The following JAKMIP2 variants were observed in gnomAD, a reference collection of about 807,000 sequenced individuals.
JAKMIP2 encodes janus kinase and microtubule-interacting protein 2.
JAKMIP2 carries 25 observed loss-of-function variants against 115.0 expected under a neutral mutation model. The observed-to-expected ratio is 0.22, with a 90% CI of 0.16 to 0.30. The LOEUF (loss-of-function observed/expected upper bound fraction) is 0.30. Ranked by LOEUF, JAKMIP2 falls within the 10% of genes least tolerant of loss-of-function variation. JAKMIP2 has a pLI of 1.00. For synonymous variants in JAKMIP2, 334 were observed against 343.6 expected, an observed-to-expected ratio of 0.97 and a Z score of 0.31; for missense variants, 642 against 957.6, an observed-to-expected ratio of 0.67 and a Z score of 4.35.
chr5:147,782,664 G>GCA lies in JAKMIP2; in HGVS notation c.-358_-357insTG, dbSNP rs1554087549. On this transcript the variant is annotated 5_prime_UTR_variant, in exon 1 of 22. It introduces an in-frame stop codon into an upstream open reading frame of the 5' UTR. Transcript: ENST00000616793. ...TATCAGCAATAGAGGCGGCGGCGGC[G>GCA]GCAGCAGCAGCAGCAGCAGCATCAC... is the stretch of plus-strand genomic sequence containing the variant. The GCA allele has an allele frequency of 1.2e-4, 78 of 636,570 alleles. 1 individual carries two copies. The highest frequency in any genetic ancestry group is 3.0e-4 in the Middle Eastern group (1 of 3,306). The allele number at this position is 636,570 out of a possible 1,614,324, so 39.4% of individuals were successfully genotyped here.
intron 1 of JAKMIP2, among the ~76,000 whole-genome samples, chr5:147,763,279 G>T (rs562903607): frequency 2.0e-5 from 3 of 152,198 alleles, no homozygotes; most frequent in Admixed American, 6.5e-5. Context: ...CCCCCTTTCA[G>T]TTCTTCACAT....
chr5:147,628,696 G>T, intron 16 of JAKMIP2, 55 bp downstream of exon 16: 3 of 1,339,502 alleles, frequency 2.2e-6, no homozygotes, highest in Non-Finnish European at 3.2e-6. Context: ...TAGTCTGCTC[G>T]TTCAGTATTA....
At chr5:147,778,994 A>G (rs557177363) in intron 1 of JAKMIP2, among the ~76,000 whole-genome samples, 1 of 152,266 alleles carries the variant, frequency 6.6e-6, no homozygotes, top group Non-Finnish European at 1.5e-5. Context: ...ACAACCAAGT[A>G]TAAACCTAAT....
chr5:147,697,978 A>T (rs920733824), intron 1 of JAKMIP2, among the ~76,000 whole-genome samples: 10 of 152,188 alleles, frequency 6.6e-5, no homozygotes, highest in African/African-American at 2.2e-4. Context: ...AGAGCCACCA[A>T]CAGCTTGCAC....
chr5:147,730,003 T>G (rs775943285), intron 1 of JAKMIP2, among the ~76,000 whole-genome samples: 2 of 152,022 alleles, frequency 1.3e-5, no homozygotes, highest in Admixed American at 1.3e-4. Context: ...ATCTGTAAAA[T>G]AGGAAGAACA....
intron 16 of JAKMIP2, among the ~76,000 whole-genome samples, chr5:147,623,979 C>T (rs940186751): frequency 1.2e-4 from 18 of 151,868 alleles, no homozygotes; most frequent in Non-Finnish European, 1.9e-4. Flanking sequence ...GGATTACAGG[C>T]GCCTGCCACC....
At chr5:147,727,693 T>G (rs563689698) in intron 1 of JAKMIP2, among the ~76,000 whole-genome samples, 24 of 152,338 alleles carry the variant, frequency 1.6e-4, no homozygotes, top group African/African-American at 4.6e-4. Context: ...ATAAGAGATT[T>G]AAAAGGATTT....
chr5:147,717,630 TG>T (rs2126930761), intron 1 of JAKMIP2, among the ~76,000 whole-genome samples: 1 of 150,784 alleles, frequency 6.6e-6, no homozygotes, highest in East Asian at 2.0e-4. Flanking sequence ...AGTTCACTCA[TG>T]ATTTGGCTCT....
intron 1 of JAKMIP2, among the ~76,000 whole-genome samples, chr5:147,744,834 C>T (rs137990846): frequency 6.6e-6 from 1 of 151,842 alleles, no homozygotes; most frequent in Non-Finnish European, 1.5e-5. Flanking sequence ...CCAAGGTGGG[C>T]AGATCATGAG....
intron 3 of JAKMIP2, among the ~76,000 whole-genome samples, chr5:147,655,519 T>C (rs1758632143): frequency 2.0e-5 from 3 of 152,198 alleles, no homozygotes; most frequent in South Asian, 4.1e-4. Context: ...TGATGGTAGT[T>C]TGTACTGCTA....
chr5:147,738,976 T>C (rs1165353363), intron 1 of JAKMIP2, among the ~76,000 whole-genome samples: 3 of 152,192 alleles, frequency 2.0e-5, no homozygotes, highest in Admixed American at 6.5e-5. Context: ...TTAAACAAGA[T>C]GTAGGATACA....
chr5:147,769,092 C>G (rs1196056434), intron 1 of JAKMIP2, among the ~76,000 whole-genome samples: 1 of 152,076 alleles, frequency 6.6e-6, no homozygotes, highest in Non-Finnish European at 1.5e-5. Flanking sequence ...GTTCCTGCCT[C>G]AATGATATCA....
chr5:147,703,766 C>T lies in JAKMIP2; in HGVS notation c.-148-31812G>A, dbSNP rs184884808. Among the ~76,000 whole-genome samples, 533 of 151,824 alleles carry T rather than the reference C, an allele frequency of 3.5e-3. 1 individual carries two copies. Among genetic ancestry groups the T allele is most frequent in the Non-Finnish European group, 5.6e-3 (377 of 67,888 alleles). ...TACTTCATAAACTTTTTTTTTACTT[C>T]AACTTTTTTACTTCATAAACTTTTT... is the stretch of plus-strand genomic sequence containing the variant. On this transcript the variant is annotated intron_variant, in intron 1 of 21. Transcript: ENST00000616793.
rs1425989062 is a variant in JAKMIP2, at chr5:147,588,666, T to C, written c.*3041A>G. ...AGTTCAGTCTATAGTCTTGAGAAAT[T>C]TGCTAATCTCCCAGATCTTAAGCAA... On this transcript the variant is annotated 3_prime_UTR_variant, in exon 22 of 22. Transcript: ENST00000616793. 1.3e-5 allele frequency: 2 copies of C among 152,136 alleles called. No individual in the cohort carries two copies. Among genetic ancestry groups the C allele is most frequent in the Non-Finnish European group, 2.9e-5 (2 of 68,028 alleles). The allele number at this position is 152,136 out of a possible 1,614,324, so 9.4% of individuals were successfully genotyped here. A position where few individuals can be genotyped will look rare whatever the true frequency, so the allele number is the denominator to read the frequency against.
Position 147,621,937 on chromosome 5 carries a change from G to A in JAKMIP2, c.2065-1194C>T, listed in dbSNP as rs367754593. 3.7e-4 allele frequency among the ~76,000 whole-genome samples: 57 copies of A among 152,092 alleles called. No individual in the cohort carries two copies. The East Asian group carries it at 9.3e-3, about 25-fold the overall frequency. ...GGCTGGAGTGCAATGGCGCGATCTC[G>A]GCTCACTGCAAACTCCGCCTCCTGG... On this transcript the variant is annotated intron_variant, in intron 17 of 21. Coordinates refer to ENST00000616793, the MANE Select transcript of JAKMIP2 (RefSeq NM_001270941.2).
In JAKMIP2 at chr5:147,746,299, C is replaced by T. The variant is rs558295155; in HGVS notation, c.-149+36157G>A. Among the ~76,000 whole-genome samples the T allele has an allele frequency of 2.4e-4, 37 of 152,234 alleles. 1 individual carries two copies. The South Asian group carries it at 6.4e-3, about 26-fold the overall frequency. On this transcript the variant is annotated intron_variant, in intron 1 of 21. Coordinates refer to ENST00000616793, the MANE Select transcript of JAKMIP2 (RefSeq NM_001270941.2). ...GACATGCCAAGTAGAGGTATTCCCTCATCAAATTCTCTCCCAGAAAAAGCT... is the reference window on the plus strand; with the variant it reads ...GACATGCCAAGTAGAGGTATTCCCTTATCAAATTCTCTCCCAGAAAAAGCT...
chr5:147,604,973 C>A (rs1755918654), intron 20 of JAKMIP2, among the ~76,000 whole-genome samples: 1 of 151,878 alleles, frequency 6.6e-6, no homozygotes, highest in African/African-American at 2.4e-5. Context: ...TATCCCTCCC[C>A]TTGCTCCCCA....
chr5:147,612,114 G>T, intron 20 of JAKMIP2, 192 bp downstream of exon 20: 1 of 728,530 alleles, frequency 1.4e-6, no homozygotes, highest in Non-Finnish European at 2.5e-6. Context: ...ATATGTGAAG[G>T]CTGGGTTACT....
chr5:147,736,317 T>C (rs1024522620), intron 1 of JAKMIP2, among the ~76,000 whole-genome samples: 1 of 150,628 alleles, frequency 6.6e-6, no homozygotes, highest in African/African-American at 2.4e-5. Flanking sequence ...AAAAAATAGC[T>C]GCATGTCGGG....
Sources: gnomAD v4.1 joint callset for allele counts (sites outside exome capture counted in the v4.1 genomes callset) on GRCh38, gnomAD v4.1.1 for gene constraint, MANE v1.5 for transcripts, NCBI Gene and HGNC (gene_info 2026-07-23, HGNC 2026-07-21) for gene names.